Variants in UTS2 observed in about 807,000 individuals in gnomAD.
UTS2 encodes the protein urotensin-2.
In UTS2, 10 loss-of-function variants were observed where a neutral mutation model predicts 12.6. The ratio of observed to expected loss-of-function variants is 0.80; its 90% confidence interval spans 0.49 to 1.35. The LOEUF is 1.35. UTS2 is among the 40% of genes most tolerant of loss of function. The pLI is 0.00. For synonymous variants in UTS2, 52 were observed against 50.0 expected (o/e 1.04, Z -0.17); for missense variants, 142 against 143.2 (o/e 0.99, Z 0.04).
At chr1:7,891,626 C>T in the UTS2 span, among the ~76,000 whole-genome samples, 1 of 150,654 alleles carries the variant, frequency 6.6e-6, no homozygotes, top group Admixed American at 6.6e-5. Flanking sequence ...TTTGAGTATT[C>T]TCATCACAAA....
the UTS2 span, among the ~76,000 whole-genome samples, chr1:7,889,851 G>C: frequency 1.3e-5 from 2 of 152,138 alleles, no homozygotes; most frequent in African/African-American, 4.8e-5. Flanking sequence ...AGGATCACGA[G>C]GTCAGGAGAT....
rs41301979 is a variant in UTS2 at position 7,847,914 on chromosome 1, A to C, written c.259-32T>G. 1,930 of 1,470,792 alleles carry C rather than the reference A, an allele frequency of 1.3e-3. 5 individuals are homozygous for C. Among genetic ancestry groups the C allele is most frequent in the South Asian group, 2.8e-3 (234 of 83,088 alleles). 91.1% of individuals were successfully genotyped at this position (1,470,792 alleles called of 1,614,324 possible). A position where few individuals can be genotyped will look rare whatever the true frequency, so the allele number is the denominator to read the frequency against. On this transcript the variant is annotated intron_variant, in intron 3 of 3. Coordinates refer to ENST00000361696, the MANE Select transcript of UTS2 (RefSeq NM_006786.4). ...CAATCCAAACGAACAACAACAACAA[A>C]AAAAAACAGATAAGTTACCAACGAG...
At chr1:7,890,844 C>CA in the UTS2 span, among the ~76,000 whole-genome samples, 796 of 112,176 alleles carry the variant, frequency 7.1e-3, 10 homozygotes, top group South Asian at 0.02. Flanking sequence ...AAGACTGTCT[C>CA]AAAAAAAAAA....
chr1:7,878,564 T>G, the UTS2 span, among the ~76,000 whole-genome samples: 1 of 152,154 alleles, frequency 6.6e-6, no homozygotes, highest in Non-Finnish European at 1.5e-5. Context: ...TTAAATTGAT[T>G]AAATTAAGTT....
the UTS2 span, among the ~76,000 whole-genome samples, chr1:7,870,269 C>A: frequency 1.3e-5 from 2 of 152,088 alleles, no homozygotes; most frequent in Admixed American, 6.6e-5. Flanking sequence ...GATGAGGACA[C>A]AGATGCACAG....
the UTS2 span, among the ~76,000 whole-genome samples, chr1:7,864,561 G>C: frequency 6.6e-6 from 1 of 152,208 alleles, no homozygotes; most frequent in Non-Finnish European, 1.5e-5. Context: ...TGCTTGAAGA[G>C]ACTTTGGTCA....
the UTS2 span, among the ~76,000 whole-genome samples, chr1:7,873,674 A>T: frequency 6.6e-6 from 1 of 152,218 alleles, no homozygotes; most frequent in African/African-American, 2.4e-5. Flanking sequence ...AGCAAAGACC[A>T]TCTTGTAGAT....
At chr1:7,879,050 T>C in the UTS2 span, among the ~76,000 whole-genome samples, 1 of 152,144 alleles carries the variant, frequency 6.6e-6, no homozygotes, top group African/African-American at 2.4e-5. Context: ...TAGACTCCAA[T>C]ACAATAACAG....
the UTS2 span, among the ~76,000 whole-genome samples, chr1:7,888,948 G>C: frequency 6.6e-6 from 1 of 152,064 alleles, no homozygotes; most frequent in African/African-American, 2.4e-5. Context: ...TCTGCTTCTT[G>C]ATTTCTTCAC....
the UTS2 span, among the ~76,000 whole-genome samples, chr1:7,902,095 G>C: frequency 2.4e-4 from 36 of 152,144 alleles, no homozygotes; most frequent in African/African-American, 7.7e-4. Flanking sequence ...TTGGGGCTCT[G>C]TGGCTCTGGG....
rs747087984 is a variant in UTS2, at chr1:7,847,825, T to C, written c.316A>G (p.Ile106Val). ...TCACGTTTCTTGTATGGTTTCCAGA[T>C]TCTGGCCAAAAGATGACTCAGTAAA... ...NILLSHLLAR[I>V]WKPYKKRETP... Residue 106 changes from isoleucine (I) to valine (V), a missense_variant, in exon 4 of 4, where the codon ATC becomes GTC. Ile to Val is a conservative substitution (Grantham distance 29). Coordinates refer to ENST00000361696, the MANE Select transcript of UTS2 (RefSeq NM_006786.4). The C allele has an allele frequency of 1.7e-5, 28 of 1,613,986 alleles. No individual in the cohort carries two copies. The African/African-American group carries it at 2.4e-4, about 14-fold the overall frequency.
At chr1:7,911,900 C>CAAAAAAA in the UTS2 span, among the ~76,000 whole-genome samples, 137 of 133,644 alleles carry the variant, frequency 1.0e-3, 1 homozygote, top group African/African-American at 3.7e-3. Flanking sequence ...GACTCTGTCT[C>CAAAAAAA]AAAAAAAAAA....
At chr1:7,873,667 A>T in the UTS2 span, among the ~76,000 whole-genome samples, 1 of 152,234 alleles carries the variant, frequency 6.6e-6, no homozygotes, top group South Asian at 2.1e-4. Flanking sequence ...ATGGATGAGC[A>T]AAGACCATCT....
the UTS2 span, among the ~76,000 whole-genome samples, chr1:7,884,975 C>T: frequency 8.1e-5 from 12 of 148,752 alleles, no homozygotes; most frequent in South Asian, 2.1e-4. Context: ...CCATCATCCA[C>T]GCATTCATCC....
At chr1:7,899,731 T>A in the UTS2 span, among the ~76,000 whole-genome samples, 1 of 152,202 alleles carries the variant, frequency 6.6e-6, no homozygotes, top group Admixed American at 6.5e-5. Flanking sequence ...ACGTAAGAAG[T>A]TATCCCACAA....
the UTS2 span, among the ~76,000 whole-genome samples, chr1:7,867,450 C>A: frequency 0.5 from 76,201 of 151,904 alleles, 20,356 homozygotes; most frequent in East Asian, 0.71. Context: ...AGATTTGGTC[C>A]CACAGAGTGA....
the UTS2 span, among the ~76,000 whole-genome samples, chr1:7,864,177 C>T: frequency 6.6e-6 from 1 of 152,208 alleles, no homozygotes; most frequent in Non-Finnish European, 1.5e-5. Flanking sequence ...TTAGTTCTCA[C>T]AGCTCTGGAG....
the UTS2 span, among the ~76,000 whole-genome samples, chr1:7,883,195 C>T: frequency 6.6e-6 from 1 of 152,130 alleles, no homozygotes; most frequent in Admixed American, 6.5e-5. Context: ...GAATACTATT[C>T]AGCCATTGAA....
At chr1:7,908,733 T>C in the UTS2 span, among the ~76,000 whole-genome samples, 4 of 152,106 alleles carry the variant, frequency 2.6e-5, no homozygotes, top group Non-Finnish European at 4.4e-5. Context: ...AAAAGAGGTT[T>C]AATGGACTCA....
Sources: gnomAD v4.1 joint callset for allele counts (sites outside exome capture counted in the v4.1 genomes callset) on GRCh38, gnomAD v4.1.1 for gene constraint, MANE v1.5 for transcripts, NCBI Gene and HGNC (gene_info 2026-07-23, HGNC 2026-07-21) for gene names.